Variants in SP140L observed in about 807,000 individuals in gnomAD.
SP140L encodes SP140 like nuclear body protein, also known as nuclear body protein SP140-like protein.
Under a neutral mutation model 84.3 loss-of-function variants are expected in SP140L, and 64 were observed. The ratio of observed to expected loss-of-function variants is 0.76; its 90% CI spans 0.62 to 0.94. The LOEUF (loss-of-function observed/expected upper bound fraction) is 0.94. Ranked by LOEUF, SP140L falls within the 40% of genes least tolerant of loss-of-function variation. The pLI is 0.00. For missense variants in SP140L, 628 were observed against 692.5 expected (o/e 0.91, Z 1.05); for synonymous variants, 242 against 236.9 (o/e 1.02, Z -0.20).
chr2:230,351,774 G>A (rs1157095163), intron 2 of SP140L, among the ~76,000 whole-genome samples: 1 of 152,046 alleles, frequency 6.6e-6, no homozygotes, highest in Non-Finnish European at 1.5e-5. Context: ...AGCCACTCAA[G>A]TAGTTAGATC....
At chr2:230,393,071 G>A (rs12471561) in intron 12 of SP140L, among the ~76,000 whole-genome samples, 18,336 of 152,190 alleles carry the variant, frequency 0.12, 1,267 homozygotes, top group Middle Eastern at 0.2. Flanking sequence ...CAATAAGTGT[G>A]TGCTGCTTGG....
Position 230,364,459 on chromosome 2 carries a change from G to A in SP140L, c.523+2762G>A, listed in dbSNP as rs528212575. On this transcript the variant is annotated intron_variant, in intron 5 of 18. Transcript: ENST00000415673. ...CTTTTTCAGATAGTTCATTGTTAGC[G>A]TATAGAAATGCAACAGATTTTTTAT... Among the ~76,000 whole-genome samples, 62 of 152,106 alleles carry A rather than the reference G, an allele frequency of 4.1e-4. 1 individual carries two copies. Among genetic ancestry groups the A allele is most frequent in the African/African-American group, 1.4e-3 (57 of 41,512 alleles).
chr2:230,338,169 C>A (rs376667074), intron 2 of SP140L, among the ~76,000 whole-genome samples: 179 of 127,528 alleles, frequency 1.4e-3, no homozygotes, highest in African/African-American at 5.1e-3. Flanking sequence ...CTTTTATTTC[C>A]TTGAGCAGTG....
At chr2:230,358,009 T>C (rs777806417) in intron 3 of SP140L, 42 bp downstream of exon 3, 4 of 1,603,372 alleles carry the variant, frequency 2.5e-6, no homozygotes, top group South Asian at 2.2e-5. Context: ...TATGCTTTCA[T>C]ATTTTACAAG....
chr2:230,354,848 G>GAAAGGAAA, intron 2 of SP140L, among the ~76,000 whole-genome samples: 1 of 108,836 alleles, frequency 9.2e-6, no homozygotes, highest in Non-Finnish European at 1.8e-5. Context: ...AAGAAAGAAA[G>GAAAGGAAA]GAAAGAAAGA....
chr2:230,375,692 T>G (rs561965727), intron 7 of SP140L, among the ~76,000 whole-genome samples: 1 of 152,320 alleles, frequency 6.6e-6, no homozygotes, highest in Admixed American at 6.5e-5. Context: ...TATTTATATG[T>G]CTTCTTTGGG....
Position 230,388,597 on chromosome 2 carries a change from A to G in SP140L, c.823A>G (p.Ser275Gly), listed in dbSNP as rs1033516387. 1 of 1,610,108 alleles carries G rather than the reference A, an allele frequency of 6.2e-7. No individual in the cohort carries two copies. Among genetic ancestry groups the G allele is most frequent in the Non-Finnish European group, 8.5e-7 (1 of 1,178,980 alleles). The change falls in exon 10 of 19, where the codon AGT (serine) becomes GGT (glycine). Residue 275 changes from serine (S) to glycine (G), a missense_variant. Ser to Gly is a moderately conservative substitution (Grantham distance 56). Transcript: ENST00000415673. The stretch of plus-strand genomic sequence containing the variant: ...CAAACCTGGAACCCACTTTACTCAG[A>G]GTGACAGAGCTCCACAGAAAAGAGT... ...RGKPGTHFTQSDRAPQKRVRS... is the reference protein window; with the variant it reads ...RGKPGTHFTQGDRAPQKRVRS...
At position 230,327,330 on chromosome 2, in the gene SP140L, T is replaced by A. The variant is rs749700796; in HGVS notation, c.32+29T>A. On this transcript the variant is annotated intron_variant, in intron 1 of 18. Coordinates refer to ENST00000415673, the MANE Select transcript of SP140L (RefSeq NM_138402.6). ...AGTCTTTATCTCTCTTCCTTTCACCTTTATCTCTGGCAGTATTGGAGCTTT... is the reference window on the plus strand; with the variant it reads ...AGTCTTTATCTCTCTTCCTTTCACCATTATCTCTGGCAGTATTGGAGCTTT... 5 of 1,603,612 alleles carry A rather than the reference T, an allele frequency of 3.1e-6. No homozygotes were observed. The East Asian group carries it at 1.1e-4, about 36-fold the overall frequency.
intron 11 of SP140L, among the ~76,000 whole-genome samples, chr2:230,390,449 G>A (rs1044753248): frequency 1.3e-5 from 2 of 152,170 alleles, no homozygotes; most frequent in Non-Finnish European, 2.9e-5. Flanking sequence ...CCTTGGCTGT[G>A]CCAGGAATGA....
chr2:230,345,115 A>G (rs1370451843), intron 2 of SP140L, among the ~76,000 whole-genome samples: 1 of 152,174 alleles, frequency 6.6e-6, no homozygotes, highest in Non-Finnish European at 1.5e-5. Context: ...CCTTACTATT[A>G]TTGTATTGCT....
chr2:230,356,997 A>G (rs1402461213), intron 2 of SP140L, among the ~76,000 whole-genome samples: 1 of 152,162 alleles, frequency 6.6e-6, no homozygotes, highest in Non-Finnish European at 1.5e-5. Flanking sequence ...GGTTGGATAA[A>G]AAGAGCTCCC....
intron 7 of SP140L, among the ~76,000 whole-genome samples, chr2:230,373,643 T>G (rs1353652477): frequency 1.3e-5 from 2 of 152,200 alleles, no homozygotes; most frequent in Non-Finnish European, 2.9e-5. Context: ...ATACAGGAGC[T>G]CTGATGGAGG....
chr2:230,367,286 C>CT (rs200191202), intron 5 of SP140L, among the ~76,000 whole-genome samples: 1,676 of 103,718 alleles, frequency 0.016, 36 homozygotes, highest in African/African-American at 0.062. Flanking sequence ...TCCTTTCTTT[C>CT]TTTTTTTTCT....
At chr2:230,332,807 G>A (rs545285231) in intron 2 of SP140L, among the ~76,000 whole-genome samples, 6 of 152,136 alleles carry the variant, frequency 3.9e-5, no homozygotes, top group Non-Finnish European at 7.4e-5. Context: ...TCTTGGGGGA[G>A]CCCTTCTGGA....
chr2:230,396,820 C>T (rs771095699), intron 14 of SP140L, 22 bp downstream of exon 14: 27 of 1,612,898 alleles, frequency 1.7e-5, no homozygotes, highest in Middle Eastern at 1.6e-4. Flanking sequence ...TTCTGAACTA[C>T]AACCCCCAGA....
chr2:230,354,848 G>GGAAAGAAAGAAAGAAA (rs61603133), intron 2 of SP140L, among the ~76,000 whole-genome samples: 3,540 of 108,820 alleles, frequency 0.033, 89 homozygotes, highest in African/African-American at 0.046. Flanking sequence ...AAGAAAGAAA[G>GGAAAGAAAGAAAGAAA]GAAAGAAAGA....
rs1044062317 is a variant in SP140L, at chr2:230,403,660, C to T, written c.*764C>T. 2.6e-5 allele frequency: 4 copies of T among 152,176 alleles called. No homozygotes were observed. Among genetic ancestry groups the T allele is most frequent in the African/African-American group, 9.7e-5 (4 of 41,426 alleles). 9.4% of individuals were successfully genotyped at this position (152,176 alleles called of 1,614,324 possible). A position where few individuals can be genotyped will look rare whatever the true frequency, so the allele number is the denominator to read the frequency against. ...GGTGTATGAGTGTCAATCATCTGAC[C>T]CTTCTTGGAGTCTCATATTTCGTGG... On this transcript the variant is annotated 3_prime_UTR_variant, in exon 19 of 19. Coordinates refer to ENST00000415673, the MANE Select transcript of SP140L (RefSeq NM_138402.6).
At chr2:230,330,014 G>A (rs915866530) in intron 2 of SP140L, among the ~76,000 whole-genome samples, 5 of 151,824 alleles carry the variant, frequency 3.3e-5, no homozygotes, top group East Asian at 1.9e-4. Flanking sequence ...TATTATTATC[G>A]TCTCTGAGAT....
rs1317158137 is a variant in SP140L, at chr2:230,327,229, A to G, written c.-41A>G. 1 of 1,594,782 alleles carries G rather than the reference A, an allele frequency of 6.3e-7. No individual in the cohort carries two copies. The highest frequency in any genetic ancestry group is 1.1e-5 in the South Asian group (1 of 88,272). ...AGGCTGGGCCGACTGGGGAGCTCAT[A>G]GGCCAGGCTCTGACACCCAGGCAGG... On this transcript the variant is annotated 5_prime_UTR_variant, in exon 1 of 19. In the 5' UTR this introduces an upstream ATG that the reference lacks. Coordinates refer to ENST00000415673, the MANE Select transcript of SP140L (RefSeq NM_138402.6).
Sources: gnomAD v4.1 joint callset for allele counts (sites outside exome capture counted in the v4.1 genomes callset) on GRCh38, gnomAD v4.1.1 for gene constraint, MANE v1.5 for transcripts, NCBI Gene and HGNC (gene_info 2026-07-23, HGNC 2026-07-21) for gene names.